PAPSS2: variants seen among roughly 807,000 people sequenced by gnomAD.
PAPSS2 encodes bifunctional 3'-phosphoadenosine 5'-phosphosulfate synthase 2.
Under a neutral mutation model 66.5 loss-of-function variants are expected in PAPSS2, and 61 were observed. The observed-to-expected ratio is 0.92, with a 90% confidence interval of 0.75 to 1.14. The LOEUF is 1.14. Among genes scored for constraint, PAPSS2 ranks in the 50% most tolerant of loss-of-function variants. PAPSS2 has a pLI of 0.00. For synonymous variants in PAPSS2, 289 were observed against 287.5 expected (o/e 1.01, Z -0.05); for missense variants, 708 against 789.6 (o/e 0.90, Z 1.24).
rs549548659 is a variant in PAPSS2, at chr10:87,718,097, C to A, written c.865+2254C>A. Among the ~76,000 whole-genome samples, 61 of 151,634 alleles carry A rather than the reference C, an allele frequency of 4.0e-4. No individual in the cohort carries two copies. The South Asian group carries it at 0.013, about 32-fold the overall frequency. ...TTGCTCTGTCACCCAGGCTGGAGTG[C>A]AGTGGCATGATCTCAGCTCACTGCA... On this transcript the variant is annotated intron_variant, in intron 7 of 12. Coordinates refer to ENST00000456849, the MANE Select transcript of PAPSS2 (RefSeq NM_001015880.2).
At chr10:87,720,369 C>T (rs1288265819) in intron 7 of PAPSS2, among the ~76,000 whole-genome samples, 6 of 152,290 alleles carry the variant, frequency 3.9e-5, no homozygotes, top group Admixed American at 3.9e-4. Context: ...GCAACAGAGG[C>T]TCCTGACAGT....
chr10:87,727,371 T>C lies in PAPSS2; in HGVS notation c.968T>C (p.Leu323Pro), dbSNP rs770452479. The part of the protein sequence containing the change: ...TRLEGCSKFV[L>P]AHGGRRVAIL... ...CTGGAAGGGTGCAGCAAGTTTGTCC[T>C]GGCACATGGTGGACGGAGGGTAGCT... The change falls in exon 9 of 13, where the codon CTG (leucine) becomes CCG (proline). Residue 323 changes from leucine to proline, a missense_variant. By Grantham distance (98) the Leu-to-Pro change is moderately conservative (BLOSUM62 -3). Transcript: ENST00000456849. 2 of 1,614,096 alleles carry C rather than the reference T, an allele frequency of 1.2e-6. No homozygotes were observed. The highest frequency in any genetic ancestry group is 2.2e-5 in the South Asian group (2 of 91,080).
At chr10:87,713,582 C>T (rs942951624) in intron 3 of PAPSS2, among the ~76,000 whole-genome samples, 23 of 151,954 alleles carry the variant, frequency 1.5e-4, no homozygotes, top group East Asian at 1.9e-4. Flanking sequence ...TGGTGAGAGT[C>T]GAAGGGAAGA....
At chr10:87,701,391 TC>T (rs1853312691) in intron 1 of PAPSS2, among the ~76,000 whole-genome samples, 1 of 101,840 alleles carries the variant, frequency 9.8e-6, no homozygotes, top group Non-Finnish European at 1.9e-5. Context: ...TTTCTTTCTT[TC>T]TTTCTCTTTC....
In PAPSS2 at chr10:87,714,770, T is replaced by C. The variant is rs1853510713; in HGVS notation, c.546T>C (p.Tyr182=). The C allele has an allele frequency of 2.5e-6, 4 of 1,606,554 alleles. No individual in the cohort carries two copies. The highest frequency in any genetic ancestry group is 2.7e-5 in the African/African-American group (2 of 74,912). Residue 182 remains tyrosine (Y), a synonymous_variant, in exon 5 of 13, where the codon TAT becomes TAC. Coordinates refer to ENST00000456849, the MANE Select transcript of PAPSS2 (RefSeq NM_001015880.2). ...IKGFTGIDSD[Y]EKPETPERVL... Reference sequence around the variant, plus strand: ...GATTTACAGGTATTGATTCTGATTATGAGAAACCTGAAACTCCTGAGCGTG... The same window carrying C: ...GATTTACAGGTATTGATTCTGATTACGAGAAACCTGAAACTCCTGAGCGTG...
chr10:87,704,875 C>T lies in PAPSS2; in HGVS notation c.28-4321C>T, dbSNP rs192064342. Among the ~76,000 whole-genome samples, 109 of 152,202 alleles carry T rather than the reference C, an allele frequency of 7.2e-4. 1 individual carries two copies. The highest frequency in any genetic ancestry group is 1.4e-3 in the Non-Finnish European group (95 of 68,036). ...TAGGCTGATCTCAAACTCCTGACCTCAAGTGATCCACCCACCTCAGCTTCT... is the reference window on the plus strand; with the variant it reads ...TAGGCTGATCTCAAACTCCTGACCTTAAGTGATCCACCCACCTCAGCTTCT... On this transcript the variant is annotated intron_variant, in intron 1 of 12. Transcript: ENST00000456849.
rs1203379993 is a variant in PAPSS2 at position 87,746,140 on chromosome 10, T to C, written c.*170T>C. On this transcript the variant is annotated 3_prime_UTR_variant, in exon 13 of 13. Coordinates refer to ENST00000456849, the MANE Select transcript of PAPSS2 (RefSeq NM_001015880.2). ...AAATATATATATATACACACACACA[T>C]ATACATACAAAGTCAAACTGAAGAC... 9.9e-6 allele frequency: 5 copies of C among 505,750 alleles called. No individual in the cohort carries two copies. The highest frequency in any genetic ancestry group is 3.6e-5 in the Admixed American group (1 of 27,898). The allele number at this position is 505,750 out of a possible 1,614,324, so 31.3% of individuals were successfully genotyped here.
rs148986860 is a variant in PAPSS2, at chr10:87,727,381, T to C, written c.978T>C (p.Gly326=). ...GCAGCAAGTTTGTCCTGGCACATGGTGGACGGAGGGTAGCTATCTTACGAG... is the reference window on the plus strand; with the variant it reads ...GCAGCAAGTTTGTCCTGGCACATGGCGGACGGAGGGTAGCTATCTTACGAG... ...EGCSKFVLAH[G]GRRVAILRDA... is the part of the protein sequence containing the mutation. Residue 326 remains glycine (G), a synonymous_variant, in exon 9 of 13, where the codon GGT becomes GGC. Coordinates refer to ENST00000456849, the MANE Select transcript of PAPSS2 (RefSeq NM_001015880.2). The C allele has an allele frequency of 6.2e-7, 1 of 1,614,046 alleles. No homozygotes were observed. The highest frequency in any genetic ancestry group is 8.5e-7 in the Non-Finnish European group (1 of 1,179,964).
chr10:87,745,322 A>T (rs969634086), intron 12 of PAPSS2, 91 bp downstream of exon 12: 2 of 969,132 alleles, frequency 2.1e-6, no homozygotes, highest in Non-Finnish European at 3.2e-6. Flanking sequence ...TCTCCAGTGC[A>T]TTGCCACATG....
chr10:87,667,217 G>A (rs543837939), intron 1 of PAPSS2, among the ~76,000 whole-genome samples: 12 of 152,284 alleles, frequency 7.9e-5, no homozygotes, highest in African/African-American at 2.9e-4. Context: ...ACTTTGAGAG[G>A]CTGAGGTGGG....
At chr10:87,745,422 G>T (rs938993615) in intron 12 of PAPSS2, among the ~76,000 whole-genome samples, 191 bp downstream of exon 12, 1 of 152,180 alleles carries the variant, frequency 6.6e-6, no homozygotes. Context: ...TCTGCATATA[G>T]TAGATGGTCC....
At chr10:87,728,955 T>G (rs1055872946) in intron 9 of PAPSS2, among the ~76,000 whole-genome samples, 5 of 152,140 alleles carry the variant, frequency 3.3e-5, no homozygotes, top group African/African-American at 1.2e-4. Context: ...TTCATTTATT[T>G]ATTTTTATTT....
intron 7 of PAPSS2, among the ~76,000 whole-genome samples, chr10:87,717,368 T>C (rs935535694): frequency 6.6e-6 from 1 of 152,016 alleles, no homozygotes; most frequent in African/African-American, 2.4e-5. Flanking sequence ...TAAAGAAAAA[T>C]ACTAGGGTGG....
In PAPSS2 at chr10:87,709,305, G is replaced by A; in HGVS notation, c.137G>A (p.Trp46Ter). Residue 46 changes from tryptophan to a stop codon, truncating the protein, a stop_gained, in exon 2 of 13, where the codon TGG becomes TAG. Coordinates refer to ENST00000456849, the MANE Select transcript of PAPSS2 (RefSeq NM_001015880.2). LOFTEE classifies it high-confidence loss of function. ...GGTGGGTTCCGAGGATGTACCGTGT[G>A]GCTAACAGGTATGTCATGTTCATAT... is the stretch of plus-strand genomic sequence containing the variant. ...TRGGFRGCTV[W>*]LTGLSGAGKT... 1 of 1,576,818 alleles carries A rather than the reference G, an allele frequency of 6.3e-7. No homozygotes were observed.
intron 1 of PAPSS2, among the ~76,000 whole-genome samples, chr10:87,669,221 T>C (rs554477886): frequency 2.0e-4 from 31 of 152,340 alleles, no homozygotes; most frequent in African/African-American, 7.5e-4. Context: ...ATTGATTAGA[T>C]AGCATGCAAT....
In PAPSS2 at chr10:87,723,691, G is replaced by A. The variant is rs374109321; in HGVS notation, c.880+1921G>A. 2.8e-4 allele frequency among the ~76,000 whole-genome samples: 43 copies of A among 152,012 alleles called. 1 individual carries two copies. The highest frequency in any genetic ancestry group is 7.0e-4 in the African/African-American group (29 of 41,430). The stretch of plus-strand genomic sequence containing the variant: ...TTGCCGGCAGTTGCTGTCTATTTCC[G>A]GTGACATTCTTTAGGTTCTAGTAAC... On this transcript the variant is annotated intron_variant, in intron 8 of 12. Transcript: ENST00000456849.
At chr10:87,688,176 G>A (rs74147504) in intron 1 of PAPSS2, among the ~76,000 whole-genome samples, 2,116 of 151,768 alleles carry the variant, frequency 0.014, 45 homozygotes, top group African/African-American at 0.049. Flanking sequence ...ACACTAAAAA[G>A]CTAATTAATA....
At position 87,741,359 on chromosome 10, in the gene PAPSS2, A is replaced by G; in HGVS notation, c.1211A>G (p.Glu404Gly). 1 of 1,612,836 alleles carries G rather than the reference A, an allele frequency of 6.2e-7. No homozygotes were observed. The highest frequency in any genetic ancestry group is 8.5e-7 in the Non-Finnish European group (1 of 1,178,816). The change falls in exon 10 of 13, where the codon GAA (glutamate) becomes GGA (glycine). Residue 404 changes from glutamate (E) to glycine (G), a missense_variant. By Grantham distance (98) the Glu-to-Gly change is moderately conservative. Coordinates refer to ENST00000456849, the MANE Select transcript of PAPSS2 (RefSeq NM_001015880.2). ...TPLELKQKCK[E>G]MNADAVFAFQ... is the part of the protein sequence containing the mutation. ...CTGGAGCTCAAACAGAAATGTAAAG[A>G]AATGAATGCTGGTATGTAAACTGTT...
chr10:87,714,181 A>G lies in PAPSS2; in HGVS notation c.519A>G (p.Lys173=), dbSNP rs1299674565. The G allele has an allele frequency of 6.2e-7, 1 of 1,612,948 alleles. No individual in the cohort carries two copies. Among genetic ancestry groups the G allele is most frequent in the Non-Finnish European group, 8.5e-7 (1 of 1,179,816 alleles). Residue 173 remains lysine (K), a splice_region_variant and synonymous_variant, in exon 4 of 13, where the codon AAA becomes AAG. Transcript: ENST00000456849. ...AAAGGGCCAGAGCTGGGGAGATTAA[A>G]GGTAAGAGAATTGGCTAGTAGCGTC... is the stretch of plus-strand genomic sequence containing the variant. ...LYKRARAGEI[K]GFTGIDSDYE...
Sources: allele counts gnomAD v4.1 joint callset (sites outside exome capture counted in the v4.1 genomes callset), GRCh38; gene constraint gnomAD v4.1.1; transcripts MANE v1.5; gene names NCBI Gene and HGNC (gene_info 2026-07-23, HGNC 2026-07-21).